The following BMPR1B variants were observed in gnomAD, a reference collection of about 807,000 sequenced individuals.
BMPR1B encodes the protein bone morphogenetic protein receptor type 1B, also known as bone morphogenetic protein receptor type-1B.
Under a neutral mutation model 59.1 loss-of-function variants are expected in BMPR1B, and 12 were observed. That is an observed-to-expected ratio of 0.20 (90% CI 0.13 to 0.33). The LOEUF (loss-of-function observed/expected upper bound fraction) is 0.33, where lower values mean the gene tolerates loss of function less well. Among genes scored for constraint, BMPR1B ranks in the 10% least tolerant of loss-of-function variants. The probability of loss-of-function intolerance (pLI) is 1.00; values close to 1 mark genes in which losing one functional copy is unlikely to be tolerated. For synonymous variants in BMPR1B, 237 were observed against 207.3 expected (o/e 1.14, Z -1.23); for missense variants, 550 against 610.9 (o/e 0.90, Z 1.05).
chr4:95,116,787 G>C (rs2149280918), intron 6 of BMPR1B, among the ~76,000 whole-genome samples: 1 of 151,910 alleles, frequency 6.6e-6, no homozygotes, highest in South Asian at 2.1e-4. Flanking sequence ...CTAGAATTTT[G>C]TGACAAATGT....
chr4:94,976,437 A>G (rs1368407721), intron 2 of BMPR1B, among the ~76,000 whole-genome samples: 1 of 152,222 alleles, frequency 6.6e-6, no homozygotes, highest in Non-Finnish European at 1.5e-5. Flanking sequence ...GGGTCATCTC[A>G]GGAAAATATA....
rs146564408 is a variant in BMPR1B at position 94,820,256 on chromosome 4, A to C, written c.-182-55575A>C. Among the ~76,000 whole-genome samples, 4 of 152,172 alleles carry C rather than the reference A, an allele frequency of 2.6e-5. No homozygotes were observed. In the East Asian group the frequency reaches 7.7e-4, roughly 29 times the overall value. ...TTTTAATTCAGATGGTCTGATGCCA[A>C]AGTTCATGGTGTATCTTCCCCCTAG... On this transcript the variant is annotated intron_variant, in intron 1 of 12. Transcript: ENST00000515059.
intron 1 of BMPR1B, among the ~76,000 whole-genome samples, chr4:94,873,958 A>G (rs1222796274): frequency 6.6e-6 from 1 of 151,904 alleles, no homozygotes; most frequent in Non-Finnish European, 1.5e-5. Context: ...CCACCATTCT[A>G]CCTTCTTTCT....
intron 3 of BMPR1B, among the ~76,000 whole-genome samples, chr4:95,059,041 A>G (rs1727143148): frequency 6.6e-6 from 1 of 152,156 alleles, no homozygotes; most frequent in Non-Finnish European, 1.5e-5. Flanking sequence ...GACATGCTGT[A>G]TTTATCCATG....
intron 3 of BMPR1B, among the ~76,000 whole-genome samples, chr4:95,066,265 A>G (rs1228756986): frequency 6.6e-6 from 1 of 152,214 alleles, no homozygotes; most frequent in Non-Finnish European, 1.5e-5. Context: ...GTGGTTGGGA[A>G]ATTGCCTGTA....
chr4:95,114,577 C>G, intron 4 of BMPR1B, 143 bp from the exon 5 acceptor site: 2 of 792,986 alleles, frequency 2.5e-6, no homozygotes, highest in Non-Finnish European at 4.4e-6. Flanking sequence ...ATTCTCTTAA[C>G]AGATCATTGA....
In BMPR1B at chr4:95,152,602, AAATAAT is replaced by A. The variant is rs144298602; in HGVS notation, c.1253-24_1253-19del. On this transcript the variant is annotated intron_variant, in intron 11 of 12. Coordinates refer to ENST00000515059, the MANE Select transcript of BMPR1B (RefSeq NM_001203.3). ...TAGACTTTTATTTCTACTTCACAGA[AAATAAT>A]AATAATAATAATAATAGTAACAACA... 8.8e-5 allele frequency: 128 copies of A among 1,453,696 alleles called. 3 individuals are homozygous for A. Among genetic ancestry groups the A allele is most frequent in the South Asian group, 5.5e-4 (40 of 72,696 alleles). 90.0% of individuals were successfully genotyped at this position (1,453,696 alleles called of 1,614,324 possible). A position where few individuals can be genotyped will look rare whatever the true frequency, so the allele number is the denominator to read the frequency against.
At position 95,154,847 on chromosome 4, in the gene BMPR1B, TC is replaced by T; in HGVS notation, c.*177del. 1.2e-6 allele frequency: 1 copy of T among 824,984 alleles called. No individual in the cohort carries two copies. The allele number at this position is 824,984 out of a possible 1,614,324, so 51.1% of individuals were successfully genotyped here. A position where few individuals can be genotyped will look rare whatever the true frequency, so the allele number is the denominator to read the frequency against. On this transcript the variant is annotated 3_prime_UTR_variant, in exon 13 of 13. Coordinates refer to ENST00000515059, the MANE Select transcript of BMPR1B (RefSeq NM_001203.3). ...GCGACCTGGGCAAAGACAGAGAAGC[TC>T]CCAGAAGGAGAGATTGATCCATGTC...
intron 2 of BMPR1B, among the ~76,000 whole-genome samples, chr4:94,897,021 C>T (rs1727613984): frequency 6.6e-6 from 1 of 151,916 alleles, no homozygotes; most frequent in South Asian, 2.1e-4. Context: ...CTAGGGAAGC[C>T]TGAGATATTT....
intron 1 of BMPR1B, among the ~76,000 whole-genome samples, chr4:94,775,887 C>T (rs182454216): frequency 2.0e-4 from 30 of 152,200 alleles, no homozygotes; most frequent in Non-Finnish European, 4.0e-4. Context: ...GACAGGAGAT[C>T]GAGAGCGTCC....
At chr4:94,772,049 A>G (rs1208611931) in intron 1 of BMPR1B, among the ~76,000 whole-genome samples, 5 of 152,198 alleles carry the variant, frequency 3.3e-5, no homozygotes, top group African/African-American at 1.2e-4. Flanking sequence ...CTGTGATTAA[A>G]TTTTCTCTAA....
intron 3 of BMPR1B, among the ~76,000 whole-genome samples, chr4:95,028,912 G>A (rs1346295186): frequency 6.6e-6 from 1 of 151,746 alleles, no homozygotes; most frequent in African/African-American, 2.4e-5. Context: ...TAAAATTGAG[G>A]AAGAAATTTA....
At chr4:95,006,785 C>A (rs921371244) in intron 3 of BMPR1B, among the ~76,000 whole-genome samples, 2 of 151,948 alleles carry the variant, frequency 1.3e-5, no homozygotes, top group African/African-American at 4.8e-5. Flanking sequence ...GTGATCCACC[C>A]GCCTCGGCCT....
chr4:94,810,383 G>A lies in BMPR1B; in HGVS notation c.-183+52315G>A, dbSNP rs570767977. Among the ~76,000 whole-genome samples, 7 of 152,188 alleles carry A rather than the reference G, an allele frequency of 4.6e-5. No individual in the cohort carries two copies. The South Asian group carries it at 1.5e-3, about 32-fold the overall frequency. On this transcript the variant is annotated intron_variant, in intron 1 of 12. Coordinates refer to ENST00000515059, the MANE Select transcript of BMPR1B (RefSeq NM_001203.3). ...TGTATGTAACCACATATTACCAATG[G>A]TTGAATAGATCATTTTTGTTTCTAT...
intron 1 of BMPR1B, among the ~76,000 whole-genome samples, chr4:94,794,328 C>T (rs1421566500): frequency 6.6e-6 from 1 of 151,666 alleles, no homozygotes; most frequent in Non-Finnish European, 1.5e-5. Flanking sequence ...CAGATAGCTG[C>T]AGATATGTGG....
At chr4:95,128,023 C>G (rs1305707997) in intron 8 of BMPR1B, among the ~76,000 whole-genome samples, 2 of 151,790 alleles carry the variant, frequency 1.3e-5, no homozygotes, top group Non-Finnish European at 2.9e-5. Flanking sequence ...TAGCTTGTCA[C>G]TACGGGTGTG....
intron 3 of BMPR1B, among the ~76,000 whole-genome samples, chr4:95,063,751 G>A (rs1270206083): frequency 6.6e-6 from 1 of 151,988 alleles, no homozygotes; most frequent in African/African-American, 2.4e-5. Flanking sequence ...AAAACATGCT[G>A]TATGACATAT....
At chr4:94,761,409 A>G (rs551604818) in intron 1 of BMPR1B, among the ~76,000 whole-genome samples, 31 of 134,700 alleles carry the variant, frequency 2.3e-4, no homozygotes, top group African/African-American at 8.1e-4. Context: ...TTTCCGCTGT[A>G]TAATTCTGTG....
chr4:95,016,493 ACTT>A (rs563387973), intron 3 of BMPR1B, among the ~76,000 whole-genome samples: 10 of 152,330 alleles, frequency 6.6e-5, no homozygotes, highest in Non-Finnish European at 1.5e-4. Context: ...AGAAACTACC[ACTT>A]CTTGAATTTG....
Sources: allele counts gnomAD v4.1 joint callset (sites outside exome capture counted in the v4.1 genomes callset), GRCh38; gene constraint gnomAD v4.1.1; transcripts MANE v1.5; gene names NCBI Gene and HGNC (gene_info 2026-07-23, HGNC 2026-07-21).